Variants in CAST observed in about 807,000 individuals in gnomAD.
CAST encodes the protein calpastatin, also known as MIR583 host.
Under a neutral mutation model 119.6 loss-of-function variants are expected in CAST, and 76 were observed. The ratio of observed to expected loss-of-function variants is 0.64; its 90% confidence interval spans 0.53 to 0.77. CAST has a LOEUF of 0.77. CAST is among the 30% of genes least tolerant of loss of function. The pLI, the probability that CAST is intolerant of heterozygous loss-of-function variation, is 0.00. For synonymous variants in CAST, 319 were observed against 331.6 expected (o/e 0.96, Z 0.41); for missense variants, 953 against 946.5 (o/e 1.01, Z -0.09).
chr5:96,204,693 A>G, the CAST span, among the ~76,000 whole-genome samples: 1 of 151,954 alleles, frequency 6.6e-6, no homozygotes, highest in East Asian at 1.9e-4. Context: ...AGGCCCACAG[A>G]AAGAAGTGAG....
chr5:96,320,440 G>A, the CAST span, among the ~76,000 whole-genome samples: 1 of 151,912 alleles, frequency 6.6e-6, no homozygotes, highest in African/African-American at 2.4e-5. Context: ...GTTTCACCAT[G>A]TTGGCCAGGC....
the CAST span, among the ~76,000 whole-genome samples, chr5:96,302,293 T>C: frequency 1.3e-5 from 2 of 152,044 alleles, no homozygotes; most frequent in East Asian, 3.9e-4. Context: ...CACAAAACTA[T>C]TTTTCCCTCC....
chr5:96,140,079 GTTC>G, the CAST span, among the ~76,000 whole-genome samples: 12 of 152,272 alleles, frequency 7.9e-5, no homozygotes, highest in Non-Finnish European at 1.5e-4. Flanking sequence ...GATGATGGCT[GTTC>G]TTCTTTGTCA....
chr5:96,274,575 T>C, the CAST span, among the ~76,000 whole-genome samples: 1 of 152,250 alleles, frequency 6.6e-6, no homozygotes, highest in African/African-American at 2.4e-5. Flanking sequence ...TTTGTGTCAC[T>C]ATTAAAGTTG....
At chr5:96,022,707 G>T in the CAST span, among the ~76,000 whole-genome samples, 38 of 152,276 alleles carry the variant, frequency 2.5e-4, no homozygotes, top group African/African-American at 7.9e-4. Context: ...TATACAAAGA[G>T]ACTTAGTTTA....
the CAST span, among the ~76,000 whole-genome samples, chr5:96,227,754 A>G: frequency 6.6e-6 from 1 of 152,164 alleles, no homozygotes. Flanking sequence ...ATATCAGTTT[A>G]CCCAACTTCC....
At chr5:96,282,686 C>T in the CAST span, among the ~76,000 whole-genome samples, 3 of 152,110 alleles carry the variant, frequency 2.0e-5, no homozygotes, top group African/African-American at 7.2e-5. Flanking sequence ...TAAAGACTAA[C>T]AGTGAAAACT....
intron 1 of CAST, 141 bp downstream of exon 1, chr5:96,662,638 G>C (rs965700612): frequency 1.9e-5 from 20 of 1,072,880 alleles, no homozygotes; most frequent in Admixed American, 4.5e-5. Context: ...AGGGCTAGGG[G>C]CTTGGCCGCT....
chr5:96,627,542 A>G (rs1747746488), intron 1 of CAST, among the ~76,000 whole-genome samples: 1 of 152,220 alleles, frequency 6.6e-6, no homozygotes, highest in South Asian at 2.1e-4. Flanking sequence ...TGTGAAACCT[A>G]AAAATTTGGG....
At chr5:96,304,628 A>C in the CAST span, among the ~76,000 whole-genome samples, 12 of 152,230 alleles carry the variant, frequency 7.9e-5, no homozygotes, top group African/African-American at 2.9e-4. Context: ...ATTTTTGTAT[A>C]AGGTGTAAGG....
chr5:96,408,109 T>G, the CAST span: 1 of 744,204 alleles, frequency 1.3e-6, no homozygotes, highest in Non-Finnish European at 2.4e-6. Context: ...AGCTTATCTT[T>G]ATTTGCAGTA....
At chr5:96,627,450 T>C (rs913147932) in intron 1 of CAST, among the ~76,000 whole-genome samples, 7 of 152,232 alleles carry the variant, frequency 4.6e-5, no homozygotes, top group Non-Finnish European at 7.3e-5. Context: ...ATAATGGTGA[T>C]GTTACATATA....
At chr5:96,027,485 C>T in the CAST span, among the ~76,000 whole-genome samples, 2 of 151,500 alleles carry the variant, frequency 1.3e-5, no homozygotes, top group African/African-American at 4.9e-5. Context: ...GGTAGAAATA[C>T]AGAATTTAAA....
chr5:96,445,624 G>T, the CAST span, among the ~76,000 whole-genome samples: 1 of 151,992 alleles, frequency 6.6e-6, no homozygotes, highest in African/African-American at 2.4e-5. Context: ...CTTCTATTTT[G>T]GGAGCATGCC....
At chr5:96,551,601 C>G (rs955263068) in intron 1 of CAST, among the ~76,000 whole-genome samples, 2 of 151,714 alleles carry the variant, frequency 1.3e-5, no homozygotes, top group Non-Finnish European at 2.9e-5. Context: ...GCTAAATGCT[C>G]CAATTAAGAG....
chr5:96,235,479 TAA>T, the CAST span, among the ~76,000 whole-genome samples: 1 of 152,188 alleles, frequency 6.6e-6, no homozygotes, highest in African/African-American at 2.4e-5. Flanking sequence ...GTGGCGAGGA[TAA>T]ATTTAGTTCT....
At chr5:96,433,041 A>T in the CAST span, 2 of 1,613,994 alleles carry the variant, frequency 1.2e-6, no homozygotes, top group Non-Finnish European at 1.7e-6. Context: ...TCTTCGCTCC[A>T]TAGCTCACAC....
At chr5:96,410,876 G>A in the CAST span, 10 of 1,613,900 alleles carry the variant, frequency 6.2e-6, no homozygotes, top group Non-Finnish European at 6.8e-6. Flanking sequence ...AGGCACTGCT[G>A]ATGGAGATGG....
chr5:96,245,683 A>G, the CAST span, among the ~76,000 whole-genome samples: 5 of 152,194 alleles, frequency 3.3e-5, no homozygotes, highest in South Asian at 1.0e-3. Context: ...AAAGAAGCAT[A>G]ACTAGGCTTT....
Sources: gnomAD v4.1 joint callset for allele counts (sites outside exome capture counted in the v4.1 genomes callset) on GRCh38, gnomAD v4.1.1 for gene constraint, MANE v1.5 for transcripts, NCBI Gene and HGNC (gene_info 2026-07-23, HGNC 2026-07-21) for gene names.